The following CDC20B variants were observed in gnomAD, a reference collection of about 807,000 sequenced individuals.
The protein encoded by CDC20B is cell division cycle protein 20 homolog B.
In CDC20B, 58 loss-of-function variants were observed where a neutral mutation model predicts 64.1. The ratio of observed to expected loss-of-function variants is 0.90; its 90% confidence interval spans 0.73 to 1.13. The LOEUF (loss-of-function observed/expected upper bound fraction) is 1.13. Among genes scored for constraint, CDC20B ranks in the 50% most tolerant of loss-of-function variants. The pLI, the probability that CDC20B is intolerant of heterozygous loss-of-function variation, is 0.00. For synonymous variants in CDC20B, 243 were observed against 230.6 expected, an observed-to-expected ratio of 1.05 and a Z score of -0.49; for missense variants, 597 against 633.0, an observed-to-expected ratio of 0.94 and a Z score of 0.61.
At chr5:55,162,350 G>A (rs534015391) in intron 2 of CDC20B, among the ~76,000 whole-genome samples, 90 of 152,228 alleles carry the variant, frequency 5.9e-4, no homozygotes, top group African/African-American at 2.0e-3. Context: ...AGCTGAAATC[G>A]CGCTACTGCA....
Position 55,171,018 on chromosome 5 carries a change from G to C in CDC20B, c.126+1570C>G, listed in dbSNP as rs555470333. On this transcript the variant is annotated intron_variant, in intron 2 of 11. Transcript: ENST00000381375. ...TCTACAGTACAAATGAATTTTAAAA[G>C]TTACTTAACTGTAGGCTGGGCGCAG... Among the ~76,000 whole-genome samples, 44 of 152,264 alleles carry C rather than the reference G, an allele frequency of 2.9e-4. 1 individual carries two copies. In the South Asian group the frequency reaches 4.8e-3, roughly 17 times the overall value.
At chr5:55,156,036 T>C (rs1743799676) in intron 2 of CDC20B, among the ~76,000 whole-genome samples, 1 of 152,190 alleles carries the variant, frequency 6.6e-6, no homozygotes, top group Non-Finnish European at 1.5e-5. Flanking sequence ...GGAAAGAGAT[T>C]TAATGGACTC....
At chr5:55,132,946 G>A (rs940526216) in intron 6 of CDC20B, among the ~76,000 whole-genome samples, 2 of 152,034 alleles carry the variant, frequency 1.3e-5, no homozygotes, top group African/African-American at 4.8e-5. Context: ...GGACAACACC[G>A]AAGCTCACTA....
At chr5:55,117,992 G>A (rs1206022051) in intron 11 of CDC20B, among the ~76,000 whole-genome samples, 4 of 152,024 alleles carry the variant, frequency 2.6e-5, no homozygotes, top group Non-Finnish European at 5.9e-5. Flanking sequence ...GGTAGTTGGC[G>A]CCTGTAGTCC....
intron 2 of CDC20B, among the ~76,000 whole-genome samples, chr5:55,147,260 TTATATATTTATATATTATATAAACATAAA>T: frequency 7.5e-6 from 1 of 133,376 alleles, no homozygotes; most frequent in Non-Finnish European, 1.5e-5. Flanking sequence ...ATGTTATGTT[TTATATATTTATATATTATATAAACATAAA>T]TATGTTATGT....
At chr5:55,158,966 A>G (rs1743901856) in intron 2 of CDC20B, among the ~76,000 whole-genome samples, 1 of 152,052 alleles carries the variant, frequency 6.6e-6, no homozygotes, top group African/African-American at 2.4e-5. Context: ...GAATTGCCTT[A>G]TTTAACTGTT....
intron 6 of CDC20B, among the ~76,000 whole-genome samples, chr5:55,130,898 A>T (rs1358280833): frequency 6.6e-6 from 1 of 152,194 alleles, no homozygotes; most frequent in Non-Finnish European, 1.5e-5. Flanking sequence ...AGGTGGGAGG[A>T]TCACTTGAGC....
intron 3 of CDC20B, among the ~76,000 whole-genome samples, chr5:55,144,104 C>A (rs1461082095): frequency 6.6e-6 from 1 of 152,004 alleles, no homozygotes; most frequent in Non-Finnish European, 1.5e-5. Context: ...CTATGGTCAT[C>A]CTGCAAGGAA....
chr5:55,171,142 C>T (rs557265318), intron 2 of CDC20B, among the ~76,000 whole-genome samples: 4 of 152,168 alleles, frequency 2.6e-5, no homozygotes, highest in East Asian at 3.9e-4. Flanking sequence ...GGTGAAACCC[C>T]GTCTCTATTA....
chr5:55,171,579 A>T (rs1744601085), intron 2 of CDC20B, among the ~76,000 whole-genome samples: 2 of 152,192 alleles, frequency 1.3e-5, no homozygotes, highest in Admixed American at 6.5e-5. Context: ...TATGTATTCA[A>T]TATAGGATGT....
At chr5:55,133,155 C>T (rs567339378) in intron 6 of CDC20B, among the ~76,000 whole-genome samples, 2 of 152,286 alleles carry the variant, frequency 1.3e-5, no homozygotes, top group South Asian at 4.1e-4. Flanking sequence ...TAAGAATAGA[C>T]CATCATTAGT....
chr5:55,145,409 A>G (rs1743442533), intron 3 of CDC20B, among the ~76,000 whole-genome samples: 1 of 152,240 alleles, frequency 6.6e-6, no homozygotes, highest in Non-Finnish European at 1.5e-5. Context: ...GTCTTAATAA[A>G]TACGCTGATA....
chr5:55,170,233 A>G (rs1454509350), intron 2 of CDC20B, among the ~76,000 whole-genome samples: 1 of 152,246 alleles, frequency 6.6e-6, no homozygotes, highest in Non-Finnish European at 1.5e-5. Context: ...TTATAGTTAA[A>G]AACATGTAAT....
rs552201513 is a variant in CDC20B at position 55,169,016 on chromosome 5, A to C, written c.126+3572T>G. Among the ~76,000 whole-genome samples, 3 of 152,382 alleles carry C rather than the reference A, an allele frequency of 2.0e-5. No individual in the cohort carries two copies. The South Asian group carries it at 6.2e-4, about 32-fold the overall frequency. On this transcript the variant is annotated intron_variant, in intron 2 of 11. Transcript: ENST00000381375. ...TTTATATCTTGCTCTTTAATTTAAA[A>C]AAACTAACACACAAAAGCCAAAGCT...
At chr5:55,138,883 A>G (rs1205787858) in intron 5 of CDC20B, among the ~76,000 whole-genome samples, 1 of 152,078 alleles carries the variant, frequency 6.6e-6, no homozygotes, top group Non-Finnish European at 1.5e-5. Context: ...TGAAAAATAG[A>G]AGATAAAAGA....
intron 2 of CDC20B, chr5:55,166,921 C>T (rs12653368): frequency 0.14 from 21,828 of 152,006 alleles, 1,889 homozygotes; most frequent in East Asian, 0.26. Flanking sequence ...TCCCAGCTAC[C>T]TGGGAGGCTG....
intron 1 of CDC20B, 99 bp from the exon 2 acceptor site, chr5:55,172,749 C>CTTTTTTT: frequency 7.5e-6 from 4 of 534,660 alleles, no homozygotes; most frequent in South Asian, 4.8e-5. Context: ...TCAGATTACA[C>CTTTTTTT]TTTTTTTTTT....
chr5:55,160,178 C>G, intron 2 of CDC20B: 1 of 1,607,036 alleles, frequency 6.2e-7, no homozygotes, highest in Non-Finnish European at 8.5e-7. Flanking sequence ...AGACTTCCCT[C>G]TAGAATCCTC....
At position 55,114,179 on chromosome 5, in the gene CDC20B, C is replaced by T. The variant is rs761184916; in HGVS notation, c.*39G>A. On this transcript the variant is annotated 3_prime_UTR_variant, in exon 12 of 12. Transcript: ENST00000381375. The surrounding 1 kb of genome is among the most constrained non-coding windows in gnomAD (Gnocchi z 4.1). Reference sequence around the variant, plus strand: ...GACATAGCCAACATCATCATCTTCACTCAGAAATAAGGAAACTGAAACCTA... The same window carrying T: ...GACATAGCCAACATCATCATCTTCATTCAGAAATAAGGAAACTGAAACCTA... 10 of 1,594,628 alleles carry T rather than the reference C, an allele frequency of 6.3e-6. No homozygotes were observed. Among genetic ancestry groups the T allele is most frequent in the East Asian group, 2.3e-5 (1 of 43,928 alleles).
Sources: allele counts gnomAD v4.1 joint callset (sites outside exome capture counted in the v4.1 genomes callset), GRCh38; gene constraint gnomAD v4.1.1; non-coding constraint Gnocchi (gnomAD v3.1); transcripts MANE v1.5; gene names NCBI Gene and HGNC (gene_info 2026-07-23, HGNC 2026-07-21).